The following NSG2 variants were observed in gnomAD, a reference collection of about 807,000 sequenced individuals.
NSG2 encodes the protein neuronal vesicle trafficking associated 2.
In NSG2, 4 loss-of-function variants were observed where a neutral mutation model predicts 16.9. The observed-to-expected ratio is 0.24, with a 90% CI of 0.12 to 0.54. The LOEUF (loss-of-function observed/expected upper bound fraction) is 0.54, where lower values mean the gene tolerates loss of function less well. Ranked by LOEUF, NSG2 falls within the 20% of genes least tolerant of loss-of-function variation. NSG2 has a pLI of 0.95. For missense variants in NSG2, 179 were observed against 221.1 expected (o/e 0.81, Z 1.21); for synonymous variants, 98 against 88.7 (o/e 1.11, Z -0.59).
At chr5:174,099,544 C>G (rs1490279645) in intron 3 of NSG2, among the ~76,000 whole-genome samples, 1 of 152,126 alleles carries the variant, frequency 6.6e-6, no homozygotes, top group Middle Eastern at 3.2e-3. Context: ...CGCTTCCCTG[C>G]TTAGAACTGT....
At chr5:174,057,637 T>C (rs1759986540) in intron 2 of NSG2, among the ~76,000 whole-genome samples, 1 of 152,158 alleles carries the variant, frequency 6.6e-6, no homozygotes, top group Non-Finnish European at 1.5e-5. Context: ...GCAAAGCCGT[T>C]TTCTCATTTA....
At position 174,108,308 on chromosome 5, in the gene NSG2, TGACGA is replaced by T. The variant is rs1268236886; in HGVS notation, c.*807_*811del. ...ATCCACACCTGGATACTGCCCATGT[TGACGA>T]GACAGCAGCAGGGGGAGAGGGAGGG... On this transcript the variant is annotated 3_prime_UTR_variant, in exon 5 of 5. Coordinates refer to ENST00000303177, the MANE Select transcript of NSG2 (RefSeq NM_015980.5). 1 of 155,774 alleles carries T rather than the reference TGACGA, an allele frequency of 6.4e-6. No homozygotes were observed. The highest frequency in any genetic ancestry group is 2.4e-5 in the African/African-American group (1 of 41,388). The allele number at this position is 155,774 out of a possible 1,614,324, so 9.6% of individuals were successfully genotyped here. A position where few individuals can be genotyped will look rare whatever the true frequency, so the allele number is the denominator to read the frequency against.
chr5:174,087,000 C>T (rs115972340), intron 3 of NSG2, among the ~76,000 whole-genome samples: 2,870 of 152,304 alleles, frequency 0.019, 93 homozygotes, highest in African/African-American at 0.065. Flanking sequence ...CCAGGAATCA[C>T]ACTTCTACAC....
At chr5:174,059,481 A>G (rs139990016) in intron 2 of NSG2, among the ~76,000 whole-genome samples, 55 of 152,270 alleles carry the variant, frequency 3.6e-4, no homozygotes, top group Non-Finnish European at 6.9e-4. Context: ...TGGTTTACTT[A>G]TTTAGTATTT....
intron 2 of NSG2, among the ~76,000 whole-genome samples, chr5:174,061,436 T>A (rs988374817): frequency 2.6e-5 from 4 of 152,234 alleles, no homozygotes; most frequent in Non-Finnish European, 5.9e-5. Flanking sequence ...TTTGTTTACA[T>A]CAGCTTCCGA....
chr5:174,046,995 G>A (rs552769432), intron 2 of NSG2, 111 bp downstream of exon 2: 3 of 1,062,214 alleles, frequency 2.8e-6, no homozygotes, highest in East Asian at 2.4e-5. Context: ...TCTGCCAAAT[G>A]TGCTCCCTTT....
intron 2 of NSG2, among the ~76,000 whole-genome samples, chr5:174,047,884 T>G (rs17076783): frequency 0.19 from 28,185 of 152,182 alleles, 3,853 homozygotes; most frequent in African/African-American, 0.38. Context: ...TTCCCTGGCT[T>G]AAGAGCGAAC....
At chr5:174,084,174 A>G (rs2113458081) in intron 3 of NSG2, 1 of 152,300 alleles carries the variant, frequency 6.6e-6, no homozygotes, top group South Asian at 2.1e-4. Context: ...AAATGGGAAT[A>G]ACAGTAATTA....
chr5:174,093,646 GT>G (rs1760753087), intron 3 of NSG2, among the ~76,000 whole-genome samples: 1 of 152,200 alleles, frequency 6.6e-6, no homozygotes, highest in Non-Finnish European at 1.5e-5. Context: ...CAGGAACAAG[GT>G]GCCGGGAGGC....
intron 3 of NSG2, among the ~76,000 whole-genome samples, chr5:174,096,151 T>C (rs963145904): frequency 6.6e-6 from 1 of 152,220 alleles, no homozygotes; most frequent in Non-Finnish European, 1.5e-5. Flanking sequence ...CCAAGAACAG[T>C]GCCTGGCACA....
intron 2 of NSG2, among the ~76,000 whole-genome samples, chr5:174,062,094 T>C (rs1446281990): frequency 2.6e-5 from 4 of 152,072 alleles, no homozygotes; most frequent in African/African-American, 9.7e-5. Context: ...CACCCAGATG[T>C]TATTGGATTA....
chr5:174,090,323 G>A (rs978110083), intron 3 of NSG2, among the ~76,000 whole-genome samples: 1 of 152,184 alleles, frequency 6.6e-6, no homozygotes, highest in Non-Finnish European at 1.5e-5. Flanking sequence ...TGGAGGATGC[G>A]CTTCATTCCC....
chr5:174,104,126 T>TA, intron 3 of NSG2, 102 bp from the exon 4 acceptor site: 1 of 798,780 alleles, frequency 1.3e-6, no homozygotes, highest in East Asian at 2.5e-5. Flanking sequence ...TCCCCCTTTC[T>TA]AGCACACCAT....
intron 3 of NSG2, chr5:174,091,189 G>A (rs983593301): frequency 2.0e-5 from 3 of 152,320 alleles, no homozygotes; most frequent in African/African-American, 4.8e-5. Context: ...GACGGTTGGC[G>A]GGGATGCAGT....
intron 1 of NSG2, 93 bp from the exon 2 acceptor site, chr5:174,046,641 G>T: frequency 9.4e-7 from 1 of 1,067,658 alleles, no homozygotes; most frequent in East Asian, 2.5e-5. Context: ...CCACTTGAGT[G>T]GAGCTGTTGA....
chr5:174,095,599 G>C (rs1391697346), intron 3 of NSG2, among the ~76,000 whole-genome samples: 1 of 152,118 alleles, frequency 6.6e-6, no homozygotes, highest in African/African-American at 2.4e-5. Flanking sequence ...TTCATCTCAA[G>C]ATTCTTAACT....
intron 2 of NSG2, among the ~76,000 whole-genome samples, chr5:174,051,188 T>C (rs1759883256): frequency 6.6e-6 from 1 of 152,174 alleles, no homozygotes; most frequent in African/African-American, 2.4e-5. Flanking sequence ...TGGCATTTTA[T>C]GGGTGGAGGC....
intron 3 of NSG2, among the ~76,000 whole-genome samples, chr5:174,088,770 C>G (rs776771623): frequency 6.6e-6 from 1 of 152,118 alleles, no homozygotes; most frequent in African/African-American, 2.4e-5. Flanking sequence ...TTCTCGTTTC[C>G]AGATAAGACA....
chr5:174,049,695 G>T (rs1275201569), intron 2 of NSG2, among the ~76,000 whole-genome samples: 1 of 152,168 alleles, frequency 6.6e-6, no homozygotes, highest in South Asian at 2.1e-4. Flanking sequence ...GAGTCCCCAG[G>T]TGTGGTCTGT....
Sources: gnomAD v4.1 joint callset for allele counts (sites outside exome capture counted in the v4.1 genomes callset) on GRCh38, gnomAD v4.1.1 for gene constraint, MANE v1.5 for transcripts, NCBI Gene and HGNC (gene_info 2026-07-23, HGNC 2026-07-21) for gene names.